The following WDR49 variants were observed in gnomAD, a reference collection of about 807,000 sequenced individuals.
WDR49 encodes cilia- and flagella-associated protein 337.
Under a neutral mutation model 119.5 loss-of-function variants are expected in WDR49, and 107 were observed. That is an observed-to-expected ratio of 0.90 (90% CI 0.77 to 1.05). The LOEUF (loss-of-function observed/expected upper bound fraction) is 1.05, where lower values mean the gene tolerates loss of function less well. Among genes scored for constraint, WDR49 ranks in the 50% least tolerant of loss-of-function variants. WDR49 has a pLI of 0.00. For missense variants in WDR49, 1,240 were observed against 1,220.5 expected, an observed-to-expected ratio of 1.02 and a Z score of -0.24; for synonymous variants, 425 against 418.8, an observed-to-expected ratio of 1.01 and a Z score of -0.18.
At chr3:167,635,734 G>A (rs1717586684) in intron 2 of WDR49, among the ~76,000 whole-genome samples, 1 of 151,548 alleles carries the variant, frequency 6.6e-6, no homozygotes, top group Non-Finnish European at 1.5e-5. Context: ...GTGAGTATTT[G>A]TTTCCAGATC....
intron 5 of WDR49, among the ~76,000 whole-genome samples, chr3:167,607,086 T>TGGGTCAAG (rs1354135220): frequency 6.6e-6 from 1 of 152,224 alleles, no homozygotes; most frequent in Non-Finnish European, 1.5e-5. Context: ...TTGACTTCTC[T>TGGGTCAAG]ATACGGCATT....
At position 167,620,565 on chromosome 3, in the gene WDR49, C is replaced by T; in HGVS notation, c.822G>A (p.Leu274=). The T allele has an allele frequency of 6.5e-7, 1 of 1,535,134 alleles. No homozygotes were observed. The highest frequency in any genetic ancestry group is 1.2e-5 in the South Asian group (1 of 83,916). Residue 274 remains leucine (L), a synonymous_variant, in exon 5 of 19, where the codon CTG becomes CTA. Coordinates refer to ENST00000682715, the MANE Select transcript of WDR49 (RefSeq NM_001366157.1). Reference sequence around the variant, plus strand: ...CACATGCACTAGCAGGCCGTTCAAACAGGGAAATCAAGGCTGCGGTGAAAG... The same window carrying T: ...CACATGCACTAGCAGGCCGTTCAAATAGGGAAATCAAGGCTGCGGTGAAAG... ...AIAFTAALIS[L]FERPASACED...
intron 16 of WDR49, among the ~76,000 whole-genome samples, chr3:167,505,635 G>A (rs574187030): frequency 3.3e-5 from 5 of 152,310 alleles, no homozygotes; most frequent in African/African-American, 1.2e-4. Flanking sequence ...GAGCCAGAGT[G>A]TCCAAGAGTC....
chr3:167,526,176 C>T (rs998306541), intron 15 of WDR49, among the ~76,000 whole-genome samples: 1 of 152,092 alleles, frequency 6.6e-6, no homozygotes, highest in Admixed American at 6.6e-5. Flanking sequence ...CTCATGAGGG[C>T]TTTTTGCATC....
intron 5 of WDR49, among the ~76,000 whole-genome samples, chr3:167,605,916 A>C (rs2108309492): frequency 6.6e-6 from 1 of 152,322 alleles, no homozygotes; most frequent in South Asian, 2.1e-4. Flanking sequence ...GCAATATTAT[A>C]AATCGAAGCT....
intron 7 of WDR49, among the ~76,000 whole-genome samples, chr3:167,583,188 C>T (rs966985161): frequency 2.6e-5 from 4 of 151,754 alleles, no homozygotes; most frequent in Admixed American, 6.6e-5. Context: ...TTAAAAATGT[C>T]GTTTAACTTT....
chr3:167,602,713 A>G (rs1194428291), intron 6 of WDR49, among the ~76,000 whole-genome samples: 1 of 152,166 alleles, frequency 6.6e-6, no homozygotes, highest in East Asian at 1.9e-4. Flanking sequence ...TTAATTAAAA[A>G]CTATAAAAAG....
chr3:167,500,715 AAT>A (rs1751529222), intron 17 of WDR49, among the ~76,000 whole-genome samples: 1 of 152,196 alleles, frequency 6.6e-6, no homozygotes, highest in Non-Finnish European at 1.5e-5. Context: ...CTTTTTAAAT[AAT>A]GTCATCAAGT....
At position 167,545,507 on chromosome 3, in the gene WDR49, T is replaced by TA. The variant is rs1166957923; in HGVS notation, c.1824-8508dup. On this transcript the variant is annotated intron_variant, in intron 10 of 18. Coordinates refer to ENST00000682715, the MANE Select transcript of WDR49 (RefSeq NM_001366157.1). ...TACCATATATATATTATATATTATA[T>TA]ATTATATATATATATATGCACCCTG... Among the ~76,000 whole-genome samples, 31 of 129,088 alleles carry TA rather than the reference T, an allele frequency of 2.4e-4. 2 individuals carry two copies. The highest frequency in any genetic ancestry group is 8.7e-4 in the African/African-American group (31 of 35,664). The allele number at this position is 129,088 out of a possible 152,430, so 84.7% of individuals were successfully genotyped here.
At chr3:167,526,709 G>T (rs1480428840) in intron 15 of WDR49, among the ~76,000 whole-genome samples, 2 of 152,206 alleles carry the variant, frequency 1.3e-5, no homozygotes, top group East Asian at 3.9e-4. Flanking sequence ...ATGATTTTCT[G>T]ATTTACCAAC....
At chr3:167,546,595 A>G (rs1230434863) in intron 10 of WDR49, among the ~76,000 whole-genome samples, 3 of 151,078 alleles carry the variant, frequency 2.0e-5, no homozygotes, top group African/African-American at 4.9e-5. Flanking sequence ...CTACTGAATG[A>G]TTGTGTCATC....
intron 10 of WDR49, among the ~76,000 whole-genome samples, chr3:167,545,183 A>G (rs1712101130): frequency 6.6e-6 from 1 of 152,042 alleles, no homozygotes; most frequent in African/African-American, 2.4e-5. Flanking sequence ...TCATAATCAA[A>G]AAGCAAAATA....
intron 8 of WDR49, among the ~76,000 whole-genome samples, chr3:167,568,014 G>A (rs1291418031): frequency 6.6e-6 from 1 of 152,184 alleles, no homozygotes; most frequent in Non-Finnish European, 1.5e-5. Flanking sequence ...AAACCTGGCT[G>A]CATTTGCACA....
intron 2 of WDR49, among the ~76,000 whole-genome samples, chr3:167,652,013 T>A (rs985045632): frequency 2.6e-5 from 4 of 152,222 alleles, no homozygotes; most frequent in African/African-American, 9.6e-5. Flanking sequence ...TCTGCTGTTA[T>A]GTTTTACTGA....
intron 5 of WDR49, among the ~76,000 whole-genome samples, chr3:167,605,539 G>GA (rs979871143): frequency 1.3e-5 from 2 of 152,094 alleles, no homozygotes; most frequent in African/African-American, 4.8e-5. Context: ...AAACTTGGGA[G>GA]AAAAAACGTG....
chr3:167,514,658 CACACACACACA>C (rs1420359579), intron 16 of WDR49, among the ~76,000 whole-genome samples: 4 of 150,734 alleles, frequency 2.7e-5, no homozygotes, highest in African/African-American at 4.9e-5. Context: ...CACACACACA[CACACACACACA>C]CCCTTCAAAA....
chr3:167,563,214 C>T (rs1713374964), intron 8 of WDR49, among the ~76,000 whole-genome samples: 1 of 151,968 alleles, frequency 6.6e-6, no homozygotes, highest in African/African-American at 2.4e-5. Context: ...ATTAGCCAGG[C>T]GTGGTGGCGG....
chr3:167,538,525 C>A (rs1318994943), intron 10 of WDR49, among the ~76,000 whole-genome samples: 1 of 152,060 alleles, frequency 6.6e-6, no homozygotes, highest in Non-Finnish European at 1.5e-5. Context: ...ACAAATTTTA[C>A]TGCTTCTAGT....
At chr3:167,612,847 T>G (rs985929374) in intron 5 of WDR49, among the ~76,000 whole-genome samples, 11 of 152,106 alleles carry the variant, frequency 7.2e-5, no homozygotes, top group African/African-American at 2.7e-4. Flanking sequence ...GATCTAAGTA[T>G]CAAAACAATT....
Sources: allele counts gnomAD v4.1 joint callset (sites outside exome capture counted in the v4.1 genomes callset), GRCh38; gene constraint gnomAD v4.1.1; transcripts MANE v1.5; gene names NCBI Gene and HGNC (gene_info 2026-07-23, HGNC 2026-07-21).